CDH12: variants seen among roughly 807,000 people sequenced by gnomAD.
CDH12 encodes cadherin-12.
CDH12 carries 41 observed loss-of-function variants against 74.1 expected under a neutral mutation model. That is an observed-to-expected ratio of 0.55 (90% CI 0.43 to 0.72). The LOEUF is 0.72. Ranked by LOEUF, CDH12 falls within the 30% of genes least tolerant of loss-of-function variation. The pLI, the probability that CDH12 is intolerant of heterozygous loss-of-function variation, is 0.00. For synonymous variants in CDH12, 399 were observed against 355.0 expected (o/e 1.12, Z -1.39); for missense variants, 945 against 977.2 (o/e 0.97, Z 0.44).
At chr5:21,938,723 C>CATACAT (rs1554046011) in intron 6 of CDH12, among the ~76,000 whole-genome samples, 2 of 112,078 alleles carry the variant, frequency 1.8e-5, no homozygotes, top group Non-Finnish European at 3.5e-5. Context: ...ATATAATATA[C>CATACAT]ATATATATAT....
intron 1 of CDH12, among the ~76,000 whole-genome samples, chr5:22,587,444 A>G (rs1348452566): frequency 6.6e-6 from 1 of 152,158 alleles, no homozygotes; most frequent in Non-Finnish European, 1.5e-5. Context: ...AGAAGAAACT[A>G]TTCATGTTCC....
intron 3 of CDH12, among the ~76,000 whole-genome samples, chr5:22,332,079 G>A (rs993391132): frequency 7.9e-5 from 12 of 152,110 alleles, no homozygotes; most frequent in Admixed American, 2.0e-4. Flanking sequence ...GAAAAAGACA[G>A]GGTTAGAAAG....
At chr5:22,395,974 G>C (rs1742439816) in intron 3 of CDH12, among the ~76,000 whole-genome samples, 1 of 152,054 alleles carries the variant, frequency 6.6e-6, no homozygotes, top group South Asian at 2.1e-4. Context: ...CTTGCCTCCT[G>C]CCTTAGCCTT....
chr5:21,924,977 T>A (rs1754523508), intron 6 of CDH12, among the ~76,000 whole-genome samples: 1 of 152,192 alleles, frequency 6.6e-6, no homozygotes, highest in African/African-American at 2.4e-5. Flanking sequence ...ATGCAACATA[T>A]TTAATTTGAT....
chr5:22,032,791 T>TTA (rs921878189), intron 5 of CDH12, among the ~76,000 whole-genome samples: 47 of 146,728 alleles, frequency 3.2e-4, no homozygotes, highest in Admixed American at 1.2e-3. Flanking sequence ...GCATACATAT[T>TTA]TATATATATA....
intron 1 of CDH12, among the ~76,000 whole-genome samples, chr5:22,583,448 GT>G (rs1317314398): frequency 1.3e-5 from 2 of 152,044 alleles, no homozygotes; most frequent in African/African-American, 2.4e-5. Flanking sequence ...GAAATTGATA[GT>G]TTTTTATTGA....
intron 6 of CDH12, among the ~76,000 whole-genome samples, chr5:21,953,566 A>C (rs909122018): frequency 9.2e-5 from 14 of 152,160 alleles, no homozygotes; most frequent in Non-Finnish European, 1.6e-4. Flanking sequence ...GTCAGGTATG[A>C]CTGGTGCTAG....
chr5:22,649,044 T>C (rs1739587644), intron 1 of CDH12, among the ~76,000 whole-genome samples: 1 of 151,946 alleles, frequency 6.6e-6, no homozygotes, highest in African/African-American at 2.4e-5. Flanking sequence ...TTACAAAGTA[T>C]GTGTAGAGGG....
chr5:22,124,132 G>GATT (rs1020990263), intron 4 of CDH12, among the ~76,000 whole-genome samples: 60 of 150,690 alleles, frequency 4.0e-4, no homozygotes, highest in Middle Eastern at 3.4e-3. Flanking sequence ...ACTCCCTGCT[G>GATT]ATTATTATTA....
intron 3 of CDH12, among the ~76,000 whole-genome samples, chr5:22,251,673 C>G (rs901993423): frequency 5.3e-5 from 8 of 152,088 alleles, no homozygotes; most frequent in Non-Finnish European, 1.2e-4. Context: ...GATCACTAGT[C>G]AATCTTATTA....
chr5:22,000,840 T>A (rs1415808384), intron 5 of CDH12, among the ~76,000 whole-genome samples: 2 of 152,160 alleles, frequency 1.3e-5, no homozygotes, highest in Non-Finnish European at 2.9e-5. Flanking sequence ...CTTTAATATC[T>A]ATTCAGCTCG....
intron 1 of CDH12, among the ~76,000 whole-genome samples, chr5:22,762,048 G>A (rs1384432005): frequency 2.6e-5 from 4 of 151,938 alleles, no homozygotes; most frequent in Non-Finnish European, 5.9e-5. Flanking sequence ...GAAAAAAATT[G>A]TATATTCAGA....
intron 1 of CDH12, among the ~76,000 whole-genome samples, chr5:22,837,555 A>G (rs1033386146): frequency 1.3e-5 from 2 of 152,200 alleles, no homozygotes; most frequent in African/African-American, 4.8e-5. Flanking sequence ...CAAAACACCA[A>G]TAGGTTGTTG....
chr5:22,718,689 T>C (rs1441945952), intron 1 of CDH12, among the ~76,000 whole-genome samples: 1 of 152,052 alleles, frequency 6.6e-6, no homozygotes, highest in African/African-American at 2.4e-5. Flanking sequence ...ACTCAAAGTA[T>C]TGGTCTGAAT....
At chr5:22,374,687 A>C (rs1473468052) in intron 3 of CDH12, among the ~76,000 whole-genome samples, 1 of 152,106 alleles carries the variant, frequency 6.6e-6, no homozygotes, top group African/African-American at 2.4e-5. Flanking sequence ...GAAAGAAATC[A>C]AGAAGGCAAT....
chr5:22,442,265 C>T (rs1053929982), intron 2 of CDH12, among the ~76,000 whole-genome samples: 4 of 152,048 alleles, frequency 2.6e-5, no homozygotes, highest in Admixed American at 2.6e-4. Flanking sequence ...CGTAAGAGAT[C>T]TTTTCTCCTA....
intron 2 of CDH12, among the ~76,000 whole-genome samples, chr5:22,460,382 G>A (rs1745449430): frequency 6.6e-6 from 1 of 151,968 alleles, no homozygotes; most frequent in African/African-American, 2.4e-5. Context: ...TTGGCTCTCT[G>A]CTCTTACGAA....
chr5:21,970,387 T>A (rs1475762346), intron 6 of CDH12, among the ~76,000 whole-genome samples: 1 of 152,148 alleles, frequency 6.6e-6, no homozygotes, highest in African/African-American at 2.4e-5. Context: ...TATATCTAGT[T>A]TTTTATGTTT....
chr5:21,945,269 A>G (rs1755519336), intron 6 of CDH12, among the ~76,000 whole-genome samples: 1 of 151,806 alleles, frequency 6.6e-6, no homozygotes, highest in African/African-American at 2.4e-5. Context: ...TACTAAAAAT[A>G]TAAAAAGTTA....
Sources: allele counts gnomAD v4.1 joint callset (sites outside exome capture counted in the v4.1 genomes callset), GRCh38; gene constraint gnomAD v4.1.1; transcripts MANE v1.5; gene names NCBI Gene and HGNC (gene_info 2026-07-23, HGNC 2026-07-21).